ERCC2: variants seen among roughly 807,000 people sequenced by gnomAD.
ERCC2 encodes the protein general transcription and DNA repair factor IIH helicase subunit XPD.
ERCC2 carries 90 observed loss-of-function variants against 99.4 expected under a neutral mutation model. The observed-to-expected ratio is 0.91, with a 90% CI of 0.76 to 1.08. ERCC2 has a LOEUF of 1.08. Among genes scored for constraint, ERCC2 ranks in the 50% least tolerant of loss-of-function variants. The probability of loss-of-function intolerance (pLI) is 0.00; values close to 1 mark genes in which losing one functional copy is unlikely to be tolerated. For synonymous variants in ERCC2, 497 were observed against 432.4 expected, an observed-to-expected ratio of 1.15 and a Z score of -1.85; for missense variants, 993 against 1,038.1, an observed-to-expected ratio of 0.96 and a Z score of 0.60.
rs532267915 is a variant in ERCC2 at position 45,364,002 on chromosome 19, G to A, written c.933C>T (p.Pro311=). Reference sequence around the variant, plus strand: ...GGGGCTCACCCTGCAGCACTTCGTCGGGCAGCACGGGGTTGGCCAGGTGGG... The same window carrying A: ...GGGGCTCACCCTGCAGCACTTCGTCAGGCAGCACGGGGTTGGCCAGGTGGG... ...TDAHLANPVL[P]DEVLQEAVPG... is the part of the protein sequence containing the mutation. The change falls in exon 10 of 23, where the codon CCC becomes CCT. Residue 311 remains proline (P), a synonymous_variant. Coordinates refer to ENST00000391945, the MANE Select transcript of ERCC2 (RefSeq NM_000400.4). 5 of 1,544,884 alleles carry A rather than the reference G, an allele frequency of 3.2e-6. No homozygotes were observed. The highest frequency in any genetic ancestry group is 1.2e-5 in the South Asian group (1 of 84,496).
intron 12 of ERCC2, chr19:45,358,680 A>AC (rs1725305944): frequency 4.6e-6 from 3 of 649,716 alleles, no homozygotes; most frequent in Non-Finnish European, 8.4e-6. Flanking sequence ...GTCATCTGAG[A>AC]CTGCTCAAAA....
At chr19:45,361,738 C>A (rs759677197) in intron 11 of ERCC2, 96 bp from the exon 12 acceptor site, 1 of 956,826 alleles carries the variant, frequency 1.0e-6, no homozygotes, top group South Asian at 1.3e-5. Context: ...GTGCCTGTCT[C>A]CCCAGCCAAT....
Position 45,352,320 on chromosome 19 carries a change from C to T in ERCC2, c.2079G>A (p.Leu693=). Residue 693 remains leucine (L), a synonymous_variant, in exon 22 of 23, where the codon CTG becomes CTA. Coordinates refer to ENST00000391945, the MANE Select transcript of ERCC2 (RefSeq NM_000400.4). ...RFARGDKRGK[L]PRWIQEHLTD... ...TGAGGTGCTCCTGGATCCAGCGGGG[C>T]AGCTTCCCCCGCTTGTCCCCACGGG... 6.2e-7 allele frequency: 1 copy of T among 1,614,090 alleles called. No individual in the cohort carries two copies.
At chr19:45,367,366 T>TAC (rs775167295) in intron 5 of ERCC2, among the ~76,000 whole-genome samples, 5 of 90,708 alleles carry the variant, frequency 5.5e-5, no homozygotes, top group African/African-American at 1.8e-4. Context: ...TATATATATA[T>TAC]ATACACACAC....
Position 45,351,675 on chromosome 19 carries a change from G to A in ERCC2, c.2237C>T (p.Ser746Leu), listed in dbSNP as rs1437490326. 9 of 1,613,878 alleles carry A rather than the reference G, an allele frequency of 5.6e-6. No homozygotes were observed. Among genetic ancestry groups the A allele is most frequent in the Non-Finnish European group, 7.6e-6 (9 of 1,180,018 alleles). The stretch of plus-strand genomic sequence containing the variant: ...CTCTATCCTCTTCAGCGTCTCCTCT[G>A]ATTCTAGCTGCTCCAGGCTGAGCAG... ...LSLLSLEQLE[S>L]EETLKRIEQI... The change falls in exon 23 of 23, where the codon TCA (serine) becomes TTA (leucine). Residue 746 changes from serine to leucine, a missense_variant. Ser to Leu is a moderately radical substitution (Grantham distance 145). Transcript: ENST00000391945.
intron 17 of ERCC2, 42 bp downstream of exon 17, chr19:45,354,688 G>T: frequency 1.2e-6 from 2 of 1,611,720 alleles, no homozygotes; most frequent in South Asian, 2.2e-5. Flanking sequence ...CAGTGCCAGG[G>T]ACTGAGGAGA....
chr19:45,355,638 C>T, intron 16 of ERCC2, 27 bp downstream of exon 16: 1 of 1,609,260 alleles, frequency 6.2e-7, no homozygotes, highest in African/African-American at 1.3e-5. Context: ...TTGGAACCCA[C>T]AGAAACCAGC....
intron 12 of ERCC2, among the ~76,000 whole-genome samples, chr19:45,359,963 C>T (rs1412589075): frequency 2.0e-5 from 3 of 151,932 alleles, no homozygotes; most frequent in African/African-American, 4.8e-5. Context: ...TTAGTAGAGA[C>T]GGGGTTTCAC....
At chr19:45,359,783 T>C (rs1482076203) in intron 12 of ERCC2, among the ~76,000 whole-genome samples, 2 of 151,658 alleles carry the variant, frequency 1.3e-5, no homozygotes, top group Non-Finnish European at 2.9e-5. Context: ...AAGAACTCTT[T>C]TTTTTTTTTT....
chr19:45,361,716 C>A (rs764981005), intron 11 of ERCC2, 74 bp from the exon 12 acceptor site: 7 of 1,070,266 alleles, frequency 6.5e-6, no homozygotes, highest in Non-Finnish European at 1.4e-6. Flanking sequence ...CCTCCGCCAT[C>A]ACGACGGTCA....
At position 45,351,089 on chromosome 19, in the gene ERCC2, C is replaced by T. The variant is rs377508294; in HGVS notation, c.*540G>A. On this transcript the variant is annotated 3_prime_UTR_variant, in exon 23 of 23. Coordinates refer to ENST00000391945, the MANE Select transcript of ERCC2 (RefSeq NM_000400.4). ...GTGCAGAGATGAGGCAAAGGCAGGG[C>T]GGTCGGGCCAGTGGTGGAGTCAGCA... is the stretch of plus-strand genomic sequence containing the variant. 5.3e-5 allele frequency: 85 copies of T among 1,611,766 alleles called. No homozygotes were observed. Among genetic ancestry groups the T allele is most frequent in the East Asian group, 2.7e-4 (12 of 44,846 alleles).
intron 7 of ERCC2, 62 bp from the exon 8 acceptor site, chr19:45,364,609 G>C: frequency 6.2e-7 from 1 of 1,600,682 alleles, no homozygotes; most frequent in Non-Finnish European, 8.5e-7. Context: ...CCCTACCCCT[G>C]GCCACACTGG....
Position 45,361,539 on chromosome 19 carries a change from T to C in ERCC2, c.1222A>G (p.Ser408Gly), listed in dbSNP as rs1226251099. Residue 408 changes from serine (S) to glycine (G), a missense_variant, in exon 12 of 23, where the codon AGC (serine) becomes GGC (glycine). By Grantham distance (56) the Ser-to-Gly change is moderately conservative (BLOSUM62 0). Around this residue, in one of 3 missense-constraint regions of ERCC2, gnomAD observed 909 missense variants for 930.8 expected, o/e 0.98. Coordinates refer to ENST00000391945, the MANE Select transcript of ERCC2 (RefSeq NM_000400.4). ...GTGAGCTTACCTTTGGCGTAGGTGCTGACAAGGGTGGCAAAGTTAGCAAGG... is the reference window on the plus strand; with the variant it reads ...GTGAGCTTACCTTTGGCGTAGGTGCCGACAAGGGTGGCAAAGTTAGCAAGG... Reference protein sequence around the residue: ...TLLANFATLVSTYAKGFTIII... With the variant: ...TLLANFATLVGTYAKGFTIII... 6 of 1,613,144 alleles carry C rather than the reference T, an allele frequency of 3.7e-6. No individual in the cohort carries two copies. The African/African-American group carries it at 5.3e-5, about 14-fold the overall frequency.
Position 45,351,072 on chromosome 19 carries a change from A to C in ERCC2, c.*557T>G, listed in dbSNP as rs3916898. 96,592 of 1,613,514 alleles carry C rather than the reference A, an allele frequency of 0.06. 3,180 individuals are homozygous for C. Among genetic ancestry groups the C allele is most frequent in the Non-Finnish European group, 0.066 (78,426 of 1,179,714 alleles). On this transcript the variant is annotated 3_prime_UTR_variant, in exon 23 of 23. Coordinates refer to ENST00000391945, the MANE Select transcript of ERCC2 (RefSeq NM_000400.4). ...GGAGGCCATGTGGGTAGGTGCAGAG[A>C]TGAGGCAAAGGCAGGGCGGTCGGGC...
At chr19:45,370,490 AC>A in intron 1 of ERCC2, 45 bp downstream of exon 1, 16 of 1,520,200 alleles carry the variant, frequency 1.1e-5, no homozygotes, top group East Asian at 2.5e-5. Context: ...CATCTTCAAG[AC>A]CCCCCGCGCC....
intron 1 of ERCC2, 61 bp downstream of exon 1, chr19:45,370,475 G>A: frequency 6.6e-7 from 1 of 1,518,984 alleles, no homozygotes; most frequent in Non-Finnish European, 8.8e-7. Context: ...GCCCACCGAT[G>A]ACCCCATCTT....
intron 22 of ERCC2, 47 bp from the exon 23 acceptor site, chr19:45,351,768 G>T: frequency 2.6e-6 from 4 of 1,555,266 alleles, no homozygotes; most frequent in Non-Finnish European, 3.5e-6. Flanking sequence ...TTGGGCAGGG[G>T]CCCAGGCAGC....
chr19:45,370,551 G>A lies in ERCC2; in HGVS notation c.-11C>T, dbSNP rs373984162. 7 of 1,579,110 alleles carry A rather than the reference G, an allele frequency of 4.4e-6. No homozygotes were observed. In the African/African-American group the frequency reaches 6.8e-5, roughly 15 times the overall value. On this transcript the variant is annotated 5_prime_UTR_variant, in exon 1 of 23. Transcript: ENST00000391945. ...CCCTTCTCACTTCATGGCGCCGGCC[G>A]GACTGTGCAGCGGGGTCGACCCGCC...
Position 45,357,616 on chromosome 19 carries a change from G to A in ERCC2, c.1307+14C>T, listed in dbSNP as rs368946956. On this transcript the variant is annotated intron_variant, in intron 13 of 22. Coordinates refer to ENST00000391945, the MANE Select transcript of ERCC2 (RefSeq NM_000400.4). Reference sequence around the variant, plus strand: ...CCCACAGAGCATTCACACCCTCACCGGGCAGGGTCCCACCTGAAGTGCAGG... The same window carrying A: ...CCCACAGAGCATTCACACCCTCACCAGGCAGGGTCCCACCTGAAGTGCAGG... 124 of 1,613,940 alleles carry A rather than the reference G, an allele frequency of 7.7e-5. No homozygotes were observed. The highest frequency in any genetic ancestry group is 2.5e-4 in the Admixed American group (15 of 60,000).
Sources: gnomAD v4.1 joint callset for allele counts (sites outside exome capture counted in the v4.1 genomes callset) on GRCh38, gnomAD v4.1.1 for gene constraint, gnomAD v4.1.1 regional missense constraint, MANE v1.5 for transcripts, NCBI Gene and HGNC (gene_info 2026-07-23, HGNC 2026-07-21) for gene names.